The following CHODL variants were observed in gnomAD, a reference collection of about 807,000 sequenced individuals.
The protein encoded by CHODL is chondrolectin, also known as transmembrane protein MT75.
Under a neutral mutation model 34.5 loss-of-function variants are expected in CHODL, and 29 were observed. The observed-to-expected ratio is 0.84, with a 90% CI of 0.63 to 1.15. The LOEUF (loss-of-function observed/expected upper bound fraction) is 1.15. CHODL is among the 50% of genes most tolerant of loss of function. The probability of loss-of-function intolerance (pLI) is 0.00; values close to 1 mark genes in which losing one functional copy is unlikely to be tolerated. For missense variants in CHODL, 332 were observed against 332.5 expected (o/e 1.00, Z 0.01); for synonymous variants, 125 against 116.1 (o/e 1.08, Z -0.49).
At chr21:18,076,050 T>A (rs1326993609) in intron 2 of CHODL, among the ~76,000 whole-genome samples, 1 of 152,184 alleles carries the variant, frequency 6.6e-6, no homozygotes. Flanking sequence ...AAATTTCTGT[T>A]GTTTATATGC....
intron 2 of CHODL, among the ~76,000 whole-genome samples, chr21:18,223,797 TG>T (rs113120126): frequency 0.044 from 6,682 of 152,266 alleles, 180 homozygotes; most frequent in Non-Finnish European, 0.059. Context: ...TATAAGGGTT[TG>T]TTACTCGAAC....
chr21:17,936,763 A>G (rs1158092377), intron 1 of CHODL, among the ~76,000 whole-genome samples: 2 of 152,124 alleles, frequency 1.3e-5, no homozygotes, highest in Non-Finnish European at 2.9e-5. Flanking sequence ...GAGAAAGGAG[A>G]GTAAATATCT....
In CHODL at chr21:18,013,635, CT is replaced by C. The variant is rs1212894827; in HGVS notation, c.-144-14220del. Among the ~76,000 whole-genome samples the C allele has an allele frequency of 2.6e-3, 184 of 71,888 alleles. 16 individuals carry two copies. Among genetic ancestry groups the C allele is most frequent in the Non-Finnish European group, 3.7e-3 (149 of 39,822 alleles). The allele number at this position is 71,888 out of a possible 152,430, so 47.2% of individuals were successfully genotyped here. On this transcript the variant is annotated intron_variant, in intron 1 of 6. Transcript: ENST00000400127. ...GATCATTGATTTTCTGCTGCTGCTG[CT>C]TTTTTTTTTTTTTTTTGAGACAGAG... is the stretch of plus-strand genomic sequence containing the variant.
chr21:18,243,652 T>C (rs1312207962), upstream of CHODL, among the ~76,000 whole-genome samples: 3 of 152,026 alleles, frequency 2.0e-5, no homozygotes, highest in Non-Finnish European at 4.4e-5. Flanking sequence ...GCCTCTGGAA[T>C]AGCTGGGACT....
chr21:18,224,954 T>C (rs2073917647), intron 2 of CHODL, among the ~76,000 whole-genome samples: 1 of 152,096 alleles, frequency 6.6e-6, no homozygotes, highest in South Asian at 2.1e-4. Flanking sequence ...AGAATGCTGG[T>C]TATACAGATG....
chr21:18,175,050 GATTGAGTTA>G (rs1329175856), intron 2 of CHODL, among the ~76,000 whole-genome samples: 1 of 152,132 alleles, frequency 6.6e-6, no homozygotes, highest in African/African-American at 2.4e-5. Flanking sequence ...TTGTAGACAG[GATTGAGTTA>G]ATTCTGTGAA....
intron 1 of CHODL, among the ~76,000 whole-genome samples, chr21:17,988,385 C>CT (rs2063770316): frequency 1.0e-5 from 1 of 97,436 alleles, no homozygotes; most frequent in African/African-American, 5.0e-5. Flanking sequence ...TTTTTTTTTT[C>CT]CCTTTTTTCC....
Position 18,262,775 on chromosome 21 carries a change from C to A in CHODL, c.635-16C>A. ...CCTCAACTATCTTTTCACATGAAGA[C>A]TGTTTTATTTTGTAGGTATAATTCC... On this transcript the variant is annotated splice_polypyrimidine_tract_variant and intron_variant, in intron 4 of 5. Coordinates refer to ENST00000299295, the MANE Select transcript of CHODL (RefSeq NM_024944.3). 1 of 1,336,380 alleles carries A rather than the reference C, an allele frequency of 7.5e-7. No individual in the cohort carries two copies. The highest frequency in any genetic ancestry group is 1.1e-6 in the Non-Finnish European group (1 of 932,332). 82.8% of individuals were successfully genotyped at this position (1,336,380 alleles called of 1,614,324 possible).
At chr21:18,231,357 C>A (rs1018041288) in intron 2 of CHODL, among the ~76,000 whole-genome samples, 5 of 152,122 alleles carry the variant, frequency 3.3e-5, no homozygotes, top group Non-Finnish European at 1.5e-5. Flanking sequence ...GAAATTATTT[C>A]CATGATTGCC....
chr21:18,234,736 C>G (rs184414893), intron 2 of CHODL, among the ~76,000 whole-genome samples: 2 of 152,060 alleles, frequency 1.3e-5, no homozygotes, highest in African/African-American at 2.4e-5. Context: ...GCACTGAAGG[C>G]TCTGCGAAGA....
intron 1 of CHODL, among the ~76,000 whole-genome samples, chr21:17,992,715 GTTGTTTTTTTTTT>G (rs1317635836): frequency 3.2e-5 from 1 of 31,510 alleles, no homozygotes; most frequent in Admixed American, 4.5e-4. Flanking sequence ...TTCTGGTGGA[GTTGTTTTTTTTTT>G]TTTTTTTTTT....
At chr21:17,964,510 T>A (rs896327346) in intron 1 of CHODL, among the ~76,000 whole-genome samples, 5 of 152,246 alleles carry the variant, frequency 3.3e-5, no homozygotes, top group Non-Finnish European at 1.5e-5. Flanking sequence ...CTTTTCTTTT[T>A]CAGAGTAAGT....
intron 2 of CHODL, among the ~76,000 whole-genome samples, chr21:18,221,750 C>A (rs183874826): frequency 2.6e-5 from 4 of 152,298 alleles, no homozygotes; most frequent in African/African-American, 9.6e-5. Flanking sequence ...GTCCTCAGGA[C>A]CCTAGATGGC....
intron 1 of CHODL, among the ~76,000 whole-genome samples, chr21:17,963,137 A>C (rs2063545752): frequency 6.6e-6 from 1 of 152,094 alleles, no homozygotes; most frequent in African/African-American, 2.4e-5. Context: ...CTTCCCAAAA[A>C]GGTTGACAGT....
At chr21:17,960,704 GACTATT>G (rs958866053) in intron 1 of CHODL, among the ~76,000 whole-genome samples, 2 of 151,998 alleles carry the variant, frequency 1.3e-5, no homozygotes, top group Non-Finnish European at 2.9e-5. Context: ...CAGGATAATG[GACTATT>G]ATCTGTTTCC....
intron 1 of CHODL, among the ~76,000 whole-genome samples, chr21:17,920,273 G>A (rs1471911970): frequency 1.3e-5 from 2 of 152,116 alleles, no homozygotes; most frequent in Non-Finnish European, 2.9e-5. Flanking sequence ...CCAAGACTGG[G>A]CAATTTACAA....
chr21:17,987,041 G>A (rs1429544513), intron 1 of CHODL, among the ~76,000 whole-genome samples: 1 of 152,138 alleles, frequency 6.6e-6, no homozygotes, highest in East Asian at 1.9e-4. Flanking sequence ...AAAAAGTTAG[G>A]AGAGCTCAGA....
chr21:18,155,551 A>G (rs944687177), intron 2 of CHODL, among the ~76,000 whole-genome samples: 2 of 152,262 alleles, frequency 1.3e-5, no homozygotes, highest in Admixed American at 1.3e-4. Context: ...CACTCTCAAC[A>G]CATCTTCCAA....
chr21:17,929,267 A>C (rs1411782466), intron 1 of CHODL, among the ~76,000 whole-genome samples: 1 of 152,210 alleles, frequency 6.6e-6, no homozygotes, highest in Non-Finnish European at 1.5e-5. Flanking sequence ...ATCACTAACA[A>C]TTCATCAATT....
Sources: allele counts gnomAD v4.1 joint callset (sites outside exome capture counted in the v4.1 genomes callset), GRCh38; gene constraint gnomAD v4.1.1; transcripts MANE v1.5; gene names NCBI Gene and HGNC (gene_info 2026-07-23, HGNC 2026-07-21).